The following NSG2 variants were observed in gnomAD, a reference collection of about 807,000 sequenced individuals.
NSG2 encodes neuronal vesicle trafficking-associated protein 2.
A neutral mutation model predicts 16.9 loss-of-function variants in NSG2; 4 were observed. The ratio of observed to expected loss-of-function variants is 0.24; its 90% CI spans 0.12 to 0.54. The LOEUF is 0.54. NSG2 is among the 20% of genes least tolerant of loss of function. The pLI, the probability that NSG2 is intolerant of heterozygous loss-of-function variation, is 0.95. For missense variants in NSG2, 179 were observed against 221.1 expected, an observed-to-expected ratio of 0.81 and a Z score of 1.21; for synonymous variants, 98 against 88.7, an observed-to-expected ratio of 1.11 and a Z score of -0.59.
At chr5:174,091,644 G>GGTGT (rs35746227) in intron 3 of NSG2, among the ~76,000 whole-genome samples, 3,687 of 139,662 alleles carry the variant, frequency 0.026, 64 homozygotes, top group Middle Eastern at 0.081. Context: ...AACTAGGACT[G>GGTGT]GTGTGTGTGT....
At chr5:174,084,999 G>C (rs565403795) in intron 3 of NSG2, among the ~76,000 whole-genome samples, 93 of 152,282 alleles carry the variant, frequency 6.1e-4, no homozygotes, top group African/African-American at 2.1e-3. Context: ...TGGGTGAAAT[G>C]CAAGAGTCTG....
chr5:174,060,701 T>C (rs139336875), intron 2 of NSG2, among the ~76,000 whole-genome samples: 2 of 152,264 alleles, frequency 1.3e-5, no homozygotes, highest in Non-Finnish European at 2.9e-5. Context: ...CCACTGACAC[T>C]TGAGATCTTC....
Position 174,049,439 on chromosome 5 carries a change from G to A in NSG2, c.129+2555G>A, listed in dbSNP as rs557640760. Among the ~76,000 whole-genome samples, 91 of 113,734 alleles carry A rather than the reference G, an allele frequency of 8.0e-4. 1 individual carries two copies. Among genetic ancestry groups the A allele is most frequent in the East Asian group, 4.9e-3 (25 of 5,142 alleles). 74.6% of individuals were successfully genotyped at this position (113,734 alleles called of 152,430 possible). On this transcript the variant is annotated intron_variant, in intron 2 of 4. Coordinates refer to ENST00000303177, the MANE Select transcript of NSG2 (RefSeq NM_015980.5). Reference sequence around the variant, plus strand: ...TAAATTCTAAGCTATATGTGCACGCGCACGTGCACACACACACACACACAA... The same window carrying A: ...TAAATTCTAAGCTATATGTGCACGCACACGTGCACACACACACACACACAA...
At chr5:174,101,671 A>G (rs1281314155) in intron 3 of NSG2, among the ~76,000 whole-genome samples, 1 of 152,172 alleles carries the variant, frequency 6.6e-6, no homozygotes. Flanking sequence ...TGGATAGACC[A>G]CAATTTGTTT....
intron 3 of NSG2, among the ~76,000 whole-genome samples, chr5:174,089,367 G>T (rs73806552): frequency 1.3e-5 from 2 of 152,112 alleles, no homozygotes; most frequent in Non-Finnish European, 2.9e-5. Flanking sequence ...CAAAGTGTAC[G>T]CCGCCACCAG....
chr5:174,061,445 G>A (rs914140932), intron 2 of NSG2, among the ~76,000 whole-genome samples: 9 of 152,138 alleles, frequency 5.9e-5, no homozygotes, highest in Admixed American at 2.6e-4. Flanking sequence ...ATCAGCTTCC[G>A]ACTCTCGTAT....
intron 3 of NSG2, among the ~76,000 whole-genome samples, chr5:174,092,023 A>G (rs865971360): frequency 5.2e-4 from 79 of 152,310 alleles, no homozygotes; most frequent in African/African-American, 1.8e-3. Flanking sequence ...AGCCAGACAA[A>G]GGATTTTGAA....
At position 174,102,004 on chromosome 5, in the gene NSG2, C is replaced by G. The variant is rs766762310; in HGVS notation, c.214-2224C>G. 6.6e-5 allele frequency among the ~76,000 whole-genome samples: 10 copies of G among 152,178 alleles called. No homozygotes were observed. In the South Asian group the frequency reaches 8.3e-4, roughly 13 times the overall value. ...CATCTCATCCCATACTGTTATCACT[C>G]CAATCCAGGGCAGGAGGCTGATAAG... On this transcript the variant is annotated intron_variant, in intron 3 of 4. Transcript: ENST00000303177.
intron 3 of NSG2, among the ~76,000 whole-genome samples, chr5:174,092,427 C>A (rs561335356): frequency 6.6e-6 from 1 of 152,320 alleles, no homozygotes; most frequent in South Asian, 2.1e-4. Context: ...AAGGGTGGGG[C>A]CCTTGGGCCC....
chr5:174,105,931 TCAAAA>T (rs1760973352), intron 4 of NSG2, among the ~76,000 whole-genome samples: 1 of 151,940 alleles, frequency 6.6e-6, no homozygotes, highest in Admixed American at 6.6e-5. Context: ...TCTGGAAGAC[TCAAAA>T]CAATGGGAAC....
intron 3 of NSG2, 114 bp downstream of exon 3, chr5:174,064,429 A>G (rs544981059): frequency 3.6e-5 from 21 of 584,254 alleles, no homozygotes; most frequent in Non-Finnish European, 2.7e-5. Flanking sequence ...GATGCAGGCT[A>G]TTTCTGGAGG....
chr5:174,085,778 G>GGAA (rs1760603182), intron 3 of NSG2, among the ~76,000 whole-genome samples: 2 of 152,206 alleles, frequency 1.3e-5, no homozygotes, highest in African/African-American at 4.8e-5. Flanking sequence ...CCAGGCCAGA[G>GGAA]GAAGGCCTAG....
chr5:174,057,967 T>C (rs1443456190), intron 2 of NSG2, among the ~76,000 whole-genome samples: 1 of 152,084 alleles, frequency 6.6e-6, no homozygotes, highest in Non-Finnish European at 1.5e-5. Flanking sequence ...GCCGTGCAAC[T>C]GGATGAGTGG....
chr5:174,105,167 G>A (rs1760956815), intron 4 of NSG2, among the ~76,000 whole-genome samples: 1 of 152,184 alleles, frequency 6.6e-6, no homozygotes, highest in African/African-American at 2.4e-5. Flanking sequence ...CACATATGAG[G>A]AATTAAATGT....
At position 174,104,290 on chromosome 5, in the gene NSG2, C is replaced by T. The variant is rs779377014; in HGVS notation, c.276C>T (p.Tyr92=). The stretch of plus-strand genomic sequence containing the variant: ...CGTGCATCGTGTTCCTGGTGGTTTA[C>T]AAAGCCTTCACCTATGATCACAGCT... ...FLACIVFLVV[Y]KAFTYDHSCP... Residue 92 remains tyrosine, a synonymous_variant, in exon 4 of 5, where the codon TAC becomes TAT. Coordinates refer to ENST00000303177, the MANE Select transcript of NSG2 (RefSeq NM_015980.5). The T allele has an allele frequency of 6.2e-7, 1 of 1,614,192 alleles. No individual in the cohort carries two copies. Among genetic ancestry groups the T allele is most frequent in the Non-Finnish European group, 8.5e-7 (1 of 1,180,024 alleles).
intron 3 of NSG2, among the ~76,000 whole-genome samples, chr5:174,069,904 G>T (rs1476766861): frequency 2.1e-5 from 3 of 146,164 alleles, no homozygotes; most frequent in Non-Finnish European, 3.0e-5. Context: ...TTGAGACAAG[G>T]TCTTACTTTG....
intron 3 of NSG2, among the ~76,000 whole-genome samples, chr5:174,077,987 C>G (rs1760376589): frequency 6.6e-6 from 1 of 152,190 alleles, no homozygotes; most frequent in Admixed American, 6.5e-5. Flanking sequence ...TATCTGTTGT[C>G]TACATCTGTG....
chr5:174,047,787 AT>A (rs1388322085), intron 2 of NSG2, among the ~76,000 whole-genome samples: 1 of 152,230 alleles, frequency 6.6e-6, no homozygotes, highest in Non-Finnish European at 1.5e-5. Context: ...AAATAGTATC[AT>A]TTCAGGTCCA....
At chr5:174,055,109 A>C (rs914094431) in intron 2 of NSG2, among the ~76,000 whole-genome samples, 1 of 152,194 alleles carries the variant, frequency 6.6e-6, no homozygotes, top group Non-Finnish European at 1.5e-5. Context: ...CCAGGCAGCA[A>C]GGAGAGGTGA....
Sources: gnomAD v4.1 joint callset for allele counts (sites outside exome capture counted in the v4.1 genomes callset) on GRCh38, gnomAD v4.1.1 for gene constraint, MANE v1.5 for transcripts, NCBI Gene and HGNC (gene_info 2026-07-23, HGNC 2026-07-21) for gene names.